Variants in CAMK4 observed in about 807,000 individuals in gnomAD.
The protein encoded by CAMK4 is calcium/calmodulin dependent protein kinase IV, also known as calcium/calmodulin-dependent protein kinase type IV.
Under a neutral mutation model 44.9 loss-of-function variants are expected in CAMK4, and 22 were observed. The observed-to-expected ratio is 0.49, with a 90% CI of 0.35 to 0.70. The LOEUF is 0.70. CAMK4 is among the 30% of genes least tolerant of loss of function. The pLI is 0.01. For synonymous variants in CAMK4, 218 were observed against 215.4 expected (o/e 1.01, Z -0.11); for missense variants, 498 against 586.8 (o/e 0.85, Z 1.56).
At chr5:111,339,497 T>C (rs1336318054) in intron 1 of CAMK4, among the ~76,000 whole-genome samples, 3 of 151,418 alleles carry the variant, frequency 2.0e-5, no homozygotes, top group African/African-American at 7.3e-5. Context: ...CCTTCCCCAT[T>C]ATGTGTTCTT....
intron 5 of CAMK4, among the ~76,000 whole-genome samples, chr5:111,416,897 C>A (rs953618215): frequency 3.9e-5 from 6 of 152,068 alleles, no homozygotes; most frequent in Non-Finnish European, 8.8e-5. Flanking sequence ...AGAATTTTGA[C>A]ATCTTCCATA....
intron 5 of CAMK4, among the ~76,000 whole-genome samples, chr5:111,397,337 T>C (rs1405193211): frequency 6.6e-6 from 1 of 152,206 alleles, no homozygotes; most frequent in Admixed American, 6.5e-5. Flanking sequence ...CATAGCAATG[T>C]TCATAAAATA....
chr5:111,316,630 T>C (rs552372575), intron 1 of CAMK4, among the ~76,000 whole-genome samples: 6 of 152,248 alleles, frequency 3.9e-5, no homozygotes, highest in Admixed American at 1.3e-4. Flanking sequence ...ATGTTTGACC[T>C]GCAACTGCGT....
At chr5:111,354,393 T>A (rs1335341038) in intron 2 of CAMK4, among the ~76,000 whole-genome samples, 2 of 151,632 alleles carry the variant, frequency 1.3e-5, no homozygotes, top group African/African-American at 4.9e-5. Context: ...TTAATAACAC[T>A]GTGTTGGTAT....
chr5:111,273,845 A>G (rs1445300038), intron 1 of CAMK4, among the ~76,000 whole-genome samples: 1 of 151,228 alleles, frequency 6.6e-6, no homozygotes, highest in Non-Finnish European at 1.5e-5. Flanking sequence ...TCTTTTTAAT[A>G]TAAAAGGTGT....
chr5:111,466,833 G>GAA (rs71626643), intron 7 of CAMK4, among the ~76,000 whole-genome samples: 3 of 151,744 alleles, frequency 2.0e-5, no homozygotes, highest in Non-Finnish European at 4.4e-5. Flanking sequence ...CACAGAGTTA[G>GAA]AAAAAAACTA....
chr5:111,320,421 C>G (rs80060480), intron 1 of CAMK4, among the ~76,000 whole-genome samples: 9,687 of 152,164 alleles, frequency 0.064, 473 homozygotes, highest in East Asian at 0.23. Flanking sequence ...ATGATAGAAA[C>G]AGAAATTAAT....
Position 111,461,324 on chromosome 5 carries a change from C to A in CAMK4, c.626-11987C>A, listed in dbSNP as rs186212518. Among the ~76,000 whole-genome samples, 48 of 152,286 alleles carry A rather than the reference C, an allele frequency of 3.2e-4. 1 individual carries two copies. The East Asian group carries it at 9.2e-3, about 29-fold the overall frequency. ...CAAGGCAGCTTCTAGCCAGAGGCAA[C>A]CCCCTCTGGAAGTCTCAGGTGTGAT... On this transcript the variant is annotated intron_variant, in intron 7 of 10. Transcript: ENST00000282356.
chr5:111,397,694 T>TGC (rs1554067788), intron 5 of CAMK4, among the ~76,000 whole-genome samples: 1 of 53,674 alleles, frequency 1.9e-5, no homozygotes, highest in Non-Finnish European at 3.7e-5. Flanking sequence ...TGTGTGTGTT[T>TGC]GCAGTTTACC....
At chr5:111,416,750 C>T (rs903717099) in intron 5 of CAMK4, among the ~76,000 whole-genome samples, 1 of 152,126 alleles carries the variant, frequency 6.6e-6, no homozygotes, top group Non-Finnish European at 1.5e-5. Context: ...ATGCAAAAAA[C>T]TTAGCTAAAA....
intron 5 of CAMK4, among the ~76,000 whole-genome samples, chr5:111,414,215 C>T (rs781669502): frequency 6.1e-4 from 93 of 152,120 alleles, no homozygotes; most frequent in Non-Finnish European, 1.0e-3. Flanking sequence ...CTTTGTTACT[C>T]CCAAAGCACA....
chr5:111,473,569 T>A (rs1358461314), intron 8 of CAMK4, among the ~76,000 whole-genome samples, 183 bp downstream of exon 8: 1 of 152,208 alleles, frequency 6.6e-6, no homozygotes, highest in African/African-American at 2.4e-5. Flanking sequence ...ATTTTGGAAT[T>A]TTCTTGAGAC....
intron 1 of CAMK4, among the ~76,000 whole-genome samples, chr5:111,247,442 T>C (rs1749290273): frequency 6.7e-6 from 1 of 148,336 alleles, no homozygotes; most frequent in Non-Finnish European, 1.5e-5. Flanking sequence ...GATACATAAA[T>C]TTATAAATTT....
chr5:111,470,309 TAAAAG>T (rs1404007832), intron 7 of CAMK4, among the ~76,000 whole-genome samples: 5 of 152,186 alleles, frequency 3.3e-5, no homozygotes, highest in Non-Finnish European at 7.4e-5. Flanking sequence ...AATTAAACCT[TAAAAG>T]AAAAGTTTTC....
chr5:111,225,203 C>G (rs1748127391), intron 1 of CAMK4, among the ~76,000 whole-genome samples: 1 of 152,116 alleles, frequency 6.6e-6, no homozygotes, highest in Admixed American at 6.5e-5. Context: ...GAATAATGAA[C>G]TAGTGTGGCT....
At chr5:111,340,866 A>G (rs1749612493) in intron 1 of CAMK4, among the ~76,000 whole-genome samples, 1 of 150,492 alleles carries the variant, frequency 6.6e-6, no homozygotes, top group South Asian at 2.1e-4. Context: ...TTTGATGGGA[A>G]ACTATTACAA....
Position 111,487,760 on chromosome 5 carries a change from G to C in CAMK4, c.*3294G>C, listed in dbSNP as rs1755684967. 6.6e-6 allele frequency: 1 copy of C among 152,086 alleles called. No individual in the cohort carries two copies. The highest frequency in any genetic ancestry group is 2.4e-5 in the African/African-American group (1 of 41,422). 9.4% of individuals were successfully genotyped at this position (152,086 alleles called of 1,614,324 possible). ...TACCATATTAGACAGCACTAGTCTA[G>C]AGTACTTTTTATTTTAAGCAAAGTG... On this transcript the variant is annotated 3_prime_UTR_variant, in exon 11 of 11. Transcript: ENST00000282356.
At chr5:111,317,468 C>T (rs1313589769) in intron 1 of CAMK4, among the ~76,000 whole-genome samples, 1 of 152,072 alleles carries the variant, frequency 6.6e-6, no homozygotes, top group African/African-American at 2.4e-5. Context: ...CAAGCTTAGC[C>T]TGTAGAAAGT....
At chr5:111,462,038 A>G (rs561134155) in intron 7 of CAMK4, among the ~76,000 whole-genome samples, 1 of 151,990 alleles carries the variant, frequency 6.6e-6, no homozygotes, top group East Asian at 1.9e-4. Flanking sequence ...TGCTCATCCC[A>G]CCTAGGCATG....
Sources: allele counts gnomAD v4.1 joint callset (sites outside exome capture counted in the v4.1 genomes callset), GRCh38; gene constraint gnomAD v4.1.1; transcripts MANE v1.5; gene names NCBI Gene and HGNC (gene_info 2026-07-23, HGNC 2026-07-21).